CTNNA3: variants seen among roughly 807,000 people sequenced by gnomAD.
CTNNA3 encodes the protein catenin alpha-3.
In CTNNA3, 76 loss-of-function variants were observed where a neutral mutation model predicts 95.7. The ratio of observed to expected loss-of-function variants is 0.79; its 90% CI spans 0.66 to 0.96. The LOEUF is 0.96. Among genes scored for constraint, CTNNA3 ranks in the 40% least tolerant of loss-of-function variants. CTNNA3 has a pLI of 0.00. For missense variants in CTNNA3, 1,191 were observed against 1,089.8 expected (o/e 1.09, Z -1.31); for synonymous variants, 431 against 374.4 (o/e 1.15, Z -1.74).
intron 17 of CTNNA3, among the ~76,000 whole-genome samples, chr10:65,931,231 T>A (rs1248374587): frequency 6.6e-6 from 1 of 152,216 alleles, no homozygotes; most frequent in Non-Finnish European, 1.5e-5. Flanking sequence ...ACAAAATCAA[T>A]GATAAAGGTA....
At chr10:67,090,090 A>T (rs1278546696) in intron 7 of CTNNA3, among the ~76,000 whole-genome samples, 1 of 152,122 alleles carries the variant, frequency 6.6e-6, no homozygotes, top group Non-Finnish European at 1.5e-5. Context: ...TTCTAAGTCA[A>T]CACAGGGATC....
chr10:66,716,115 A>G (rs1383075106), intron 9 of CTNNA3, among the ~76,000 whole-genome samples: 1 of 152,088 alleles, frequency 6.6e-6, no homozygotes, highest in Non-Finnish European at 1.5e-5. Flanking sequence ...CACACTTCAT[A>G]CTTATTTTCT....
intron 13 of CTNNA3, among the ~76,000 whole-genome samples, chr10:66,176,345 G>A (rs1193299990): frequency 6.6e-6 from 1 of 152,046 alleles, no homozygotes; most frequent in Admixed American, 6.6e-5. Context: ...ACATAAACCT[G>A]TTCTGACCTT....
At chr10:66,982,160 G>A (rs928318335) in intron 7 of CTNNA3, among the ~76,000 whole-genome samples, 31 of 152,212 alleles carry the variant, frequency 2.0e-4, no homozygotes, top group African/African-American at 6.8e-4. Flanking sequence ...CATTCTGGCA[G>A]TTTGAACAGC....
At chr10:66,071,743 T>C (rs987294534) in intron 14 of CTNNA3, among the ~76,000 whole-genome samples, 6 of 152,180 alleles carry the variant, frequency 3.9e-5, no homozygotes, top group African/African-American at 1.4e-4. Flanking sequence ...GACAGGCTGT[T>C]TTGGACATCA....
intron 9 of CTNNA3, among the ~76,000 whole-genome samples, chr10:66,686,197 C>T (rs1414515780): frequency 6.6e-6 from 1 of 152,182 alleles, no homozygotes. Flanking sequence ...CTCAGCTCTG[C>T]CTCATGCTAT....
chr10:67,283,892 T>C (rs1589124840), intron 5 of CTNNA3, among the ~76,000 whole-genome samples: 1 of 152,220 alleles, frequency 6.6e-6, no homozygotes. Context: ...GGTATGTCCA[T>C]ACTTCATTGA....
chr10:66,353,295 A>G (rs1402353630), intron 12 of CTNNA3, among the ~76,000 whole-genome samples: 1 of 152,018 alleles, frequency 6.6e-6, no homozygotes, highest in Non-Finnish European at 1.5e-5. Context: ...ATTCATTTCC[A>G]TTATAAAACC....
intron 12 of CTNNA3, among the ~76,000 whole-genome samples, chr10:66,333,021 G>A (rs1160637791): frequency 6.6e-6 from 1 of 152,032 alleles, no homozygotes; most frequent in Non-Finnish European, 1.5e-5. Flanking sequence ...GTGTAGAGGT[G>A]TTTATAGTAT....
At position 66,379,668 on chromosome 10, in the gene CTNNA3, T is replaced by TAAAATG. The variant is rs200539933; in HGVS notation, c.1532-322_1532-317dup. ...TGGAAATTAAAGACAGTTTCTAGAT[T>TAAAATG]AAAATGAAAACAAAATATGTGATGA... On this transcript the variant is annotated intron_variant, in intron 11 of 17. Coordinates refer to ENST00000433211, the MANE Select transcript of CTNNA3 (RefSeq NM_013266.4). Among the ~76,000 whole-genome samples the TAAAATG allele has an allele frequency of 5.4e-3, 819 of 152,258 alleles. 9 individuals carry two copies. The highest frequency in any genetic ancestry group is 0.014 in the African/African-American group (571 of 41,554).
At chr10:67,714,975 C>T (rs1046736845) in intron 1 of CTNNA3, among the ~76,000 whole-genome samples, 2 of 152,180 alleles carry the variant, frequency 1.3e-5, no homozygotes, top group Non-Finnish European at 2.9e-5. Flanking sequence ...GTACAATAAA[C>T]CTTTCTTTTG....
intron 7 of CTNNA3, among the ~76,000 whole-genome samples, chr10:66,841,227 A>G (rs762975062): frequency 3.3e-5 from 5 of 152,058 alleles, no homozygotes; most frequent in African/African-American, 1.2e-4. Flanking sequence ...AGAAGTGTCT[A>G]TTTACTTACA....
chr10:67,180,580 C>A, intron 6 of CTNNA3, 60 bp from the exon 7 acceptor site: 1 of 1,387,978 alleles, frequency 7.2e-7, no homozygotes, highest in Non-Finnish European at 1.0e-6. Context: ...TTATGAAAAA[C>A]AAATGTTATT....
intron 5 of CTNNA3, among the ~76,000 whole-genome samples, chr10:67,485,101 A>G (rs1848391881): frequency 6.6e-6 from 1 of 152,220 alleles, no homozygotes; most frequent in African/African-American, 2.4e-5. Flanking sequence ...GATAAAGAAG[A>G]CACAGTACAT....
chr10:66,202,119 C>T (rs567770710), intron 13 of CTNNA3, among the ~76,000 whole-genome samples: 1 of 152,272 alleles, frequency 6.6e-6, no homozygotes, highest in Admixed American at 6.5e-5. Context: ...AAAGCTATTG[C>T]ACCTACTGCA....
chr10:66,099,752 A>C (rs933459273), intron 14 of CTNNA3, among the ~76,000 whole-genome samples: 6 of 152,170 alleles, frequency 3.9e-5, no homozygotes, highest in African/African-American at 1.4e-4. Context: ...GACAGCTGTG[A>C]CATCCTTTGC....
At chr10:66,444,204 T>C (rs2093399295) in intron 11 of CTNNA3, among the ~76,000 whole-genome samples, 1 of 152,136 alleles carries the variant, frequency 6.6e-6, no homozygotes, top group Non-Finnish European at 1.5e-5. Context: ...CTGATTGGTG[T>C]ACCTGAAAAT....
At chr10:67,556,352 T>C (rs1277495014) in intron 3 of CTNNA3, among the ~76,000 whole-genome samples, 3 of 152,216 alleles carry the variant, frequency 2.0e-5, no homozygotes, top group Admixed American at 1.3e-4. Flanking sequence ...TTTGTACCTC[T>C]GGTAGAATTC....
chr10:67,538,275 G>A (rs1337375761), intron 4 of CTNNA3, among the ~76,000 whole-genome samples: 1 of 151,102 alleles, frequency 6.6e-6, no homozygotes, highest in East Asian at 2.0e-4. Flanking sequence ...ATAAGCAATA[G>A]TGAATACAAG....
Sources: gnomAD v4.1 joint callset for allele counts (sites outside exome capture counted in the v4.1 genomes callset) on GRCh38, gnomAD v4.1.1 for gene constraint, MANE v1.5 for transcripts, NCBI Gene and HGNC (gene_info 2026-07-23, HGNC 2026-07-21) for gene names.